The following NELL1 variants were observed in gnomAD, a reference collection of about 807,000 sequenced individuals.
NELL1 encodes neural EGFL like 1, also known as protein kinase C-binding protein NELL1.
NELL1 carries 76 observed loss-of-function variants against 107.4 expected under a neutral mutation model. The observed-to-expected ratio is 0.71, with a 90% CI of 0.59 to 0.86. The LOEUF is 0.86. NELL1 is among the 40% of genes least tolerant of loss of function. The pLI is 0.00. For synonymous variants in NELL1, 353 were observed against 341.2 expected (o/e 1.03, Z -0.38); for missense variants, 1,024 against 1,005.5 (o/e 1.02, Z -0.25).
intron 14 of NELL1, among the ~76,000 whole-genome samples, chr11:21,234,671 G>T (rs901827718): frequency 2.0e-5 from 3 of 152,204 alleles, no homozygotes; most frequent in Non-Finnish European, 4.4e-5. Flanking sequence ...GAGTATGTTT[G>T]CATTGAGTGC....
At chr11:20,835,927 T>C (rs2134042998) in intron 3 of NELL1, among the ~76,000 whole-genome samples, 1 of 152,274 alleles carries the variant, frequency 6.6e-6, no homozygotes, top group South Asian at 2.1e-4. Flanking sequence ...AGTTGTTAAG[T>C]TAGATTTTTA....
chr11:20,833,289 C>CATTATT (rs113832089), intron 3 of NELL1, among the ~76,000 whole-genome samples: 3 of 151,226 alleles, frequency 2.0e-5, no homozygotes, highest in Non-Finnish European at 2.9e-5. Context: ...AAATGTTAGC[C>CATTATT]ATTATTATTA....
intron 13 of NELL1, among the ~76,000 whole-genome samples, chr11:21,159,808 C>G (rs990993178): frequency 1.3e-5 from 2 of 152,180 alleles, no homozygotes; most frequent in Admixed American, 1.3e-4. Flanking sequence ...AAACACACCA[C>G]CCACTATCTG....
chr11:21,168,067 A>G (rs1856523585), intron 13 of NELL1, among the ~76,000 whole-genome samples: 1 of 151,784 alleles, frequency 6.6e-6, no homozygotes, highest in Non-Finnish European at 1.5e-5. Flanking sequence ...GATCATGTCA[A>G]TCTTATTCCA....
intron 15 of NELL1, among the ~76,000 whole-genome samples, chr11:21,501,871 C>T (rs1298721408): frequency 1.3e-5 from 2 of 152,154 alleles, no homozygotes; most frequent in Non-Finnish European, 2.9e-5. Context: ...GCTGGCCTTG[C>T]CCCTTCTCTG....
At chr11:20,983,642 AATC>A (rs1320523416) in intron 12 of NELL1, among the ~76,000 whole-genome samples, 4 of 152,130 alleles carry the variant, frequency 2.6e-5, no homozygotes, top group African/African-American at 9.7e-5. Context: ...TATCTTTTCA[AATC>A]ATCAACTCCC....
At chr11:20,979,782 G>A (rs544250095) in intron 12 of NELL1, among the ~76,000 whole-genome samples, 1 of 152,316 alleles carries the variant, frequency 6.6e-6, no homozygotes, top group East Asian at 1.9e-4. Flanking sequence ...AGTAGGTATT[G>A]CTTCTGAGCC....
intron 9 of NELL1, among the ~76,000 whole-genome samples, chr11:20,929,561 A>T (rs890281949): frequency 1.3e-5 from 2 of 152,090 alleles, no homozygotes; most frequent in African/African-American, 4.8e-5. Flanking sequence ...GTCTGGCAAT[A>T]TAGGCAGCTC....
intron 15 of NELL1, among the ~76,000 whole-genome samples, chr11:21,373,772 G>T (rs1565193350): frequency 6.6e-6 from 1 of 151,978 alleles, no homozygotes; most frequent in African/African-American, 2.4e-5. Context: ...GCCTCCTTTG[G>T]TTTCTAAACA....
intron 14 of NELL1, among the ~76,000 whole-genome samples, chr11:21,301,566 T>C (rs1849492751): frequency 6.6e-6 from 1 of 152,168 alleles, no homozygotes; most frequent in South Asian, 2.1e-4. Context: ...TCTGTTCATA[T>C]CCTTTGCCCA....
At chr11:20,781,245 T>A (rs1856844329) in intron 2 of NELL1, among the ~76,000 whole-genome samples, 1 of 152,120 alleles carries the variant, frequency 6.6e-6, no homozygotes, top group African/African-American at 2.4e-5. Context: ...CAAGGGCAAT[T>A]TCTAGTTTTT....
intron 14 of NELL1, among the ~76,000 whole-genome samples, chr11:21,310,083 T>C (rs1400814831): frequency 1.3e-5 from 2 of 152,118 alleles, no homozygotes; most frequent in African/African-American, 4.8e-5. Flanking sequence ...AATTATTTTT[T>C]AACCTCAAAA....
chr11:21,210,591 T>A (rs956610702), intron 13 of NELL1, among the ~76,000 whole-genome samples: 2 of 152,192 alleles, frequency 1.3e-5, no homozygotes, highest in Admixed American at 1.3e-4. Context: ...TTTTAATTAT[T>A]GCTTGCTAAA....
intron 14 of NELL1, among the ~76,000 whole-genome samples, chr11:21,233,490 A>G (rs1858119349): frequency 6.6e-6 from 1 of 152,116 alleles, no homozygotes; most frequent in African/African-American, 2.4e-5. Context: ...ATTGTATTCT[A>G]ACTAGAAACT....
At chr11:21,153,006 CT>C (rs1473040701) in intron 13 of NELL1, among the ~76,000 whole-genome samples, 2 of 152,064 alleles carry the variant, frequency 1.3e-5, no homozygotes, top group Non-Finnish European at 2.9e-5. Flanking sequence ...TAAGAATAAC[CT>C]TTTAAAATTA....
intron 2 of NELL1, among the ~76,000 whole-genome samples, chr11:20,728,097 A>G (rs906785718): frequency 5.3e-5 from 8 of 152,112 alleles, no homozygotes; most frequent in Non-Finnish European, 8.8e-5. Flanking sequence ...GGCCGTTTCT[A>G]TGTATCTTTT....
chr11:20,722,450 C>T (rs983336557), intron 2 of NELL1, among the ~76,000 whole-genome samples: 1 of 152,172 alleles, frequency 6.6e-6, no homozygotes, highest in Non-Finnish European at 1.5e-5. Context: ...ACTTCAGTTT[C>T]CTCATCTGTC....
chr11:21,212,868 A>G (rs947373066), intron 13 of NELL1, among the ~76,000 whole-genome samples: 2 of 152,216 alleles, frequency 1.3e-5, no homozygotes, highest in Non-Finnish European at 2.9e-5. Context: ...CCAAAACAAT[A>G]AGGCAGCAAA....
At chr11:21,340,832 G>A (rs1850547687) in intron 14 of NELL1, among the ~76,000 whole-genome samples, 1 of 152,106 alleles carries the variant, frequency 6.6e-6, no homozygotes, top group South Asian at 2.1e-4. Context: ...TTGACACCTT[G>A]ATCTTAGACT....
Sources: gnomAD v4.1 joint callset for allele counts (sites outside exome capture counted in the v4.1 genomes callset) on GRCh38, gnomAD v4.1.1 for gene constraint, MANE v1.5 for transcripts, NCBI Gene and HGNC (gene_info 2026-07-23, HGNC 2026-07-21) for gene names.